RPRD1A: variants seen among roughly 807,000 people sequenced by gnomAD.
The protein encoded by RPRD1A is regulation of nuclear pre-mRNA domain-containing protein 1A.
RPRD1A carries 9 observed loss-of-function variants against 37.8 expected under a neutral mutation model. The ratio of observed to expected loss-of-function variants is 0.24; its 90% CI spans 0.14 to 0.42. RPRD1A has a LOEUF of 0.42. Among genes scored for constraint, RPRD1A ranks in the 10% least tolerant of loss-of-function variants. The probability of loss-of-function intolerance (pLI) is 1.00; values close to 1 mark genes in which losing one functional copy is unlikely to be tolerated. For synonymous variants in RPRD1A, 138 were observed against 139.7 expected (o/e 0.99, Z 0.08); for missense variants, 255 against 371.0 (o/e 0.69, Z 2.57).
chr18:36,052,277 C>A (rs1913452916), intron 1 of RPRD1A, among the ~76,000 whole-genome samples: 1 of 151,126 alleles, frequency 6.6e-6, no homozygotes, highest in Non-Finnish European at 1.5e-5. Flanking sequence ...TACTAGTAAA[C>A]CTGACCTACA....
Position 36,067,506 on chromosome 18 carries a change from A to C in RPRD1A, c.-102T>G. On this transcript the variant is annotated 5_prime_UTR_variant, in exon 1 of 7. Transcript: ENST00000399022. ...TCGCCCCCTCACCCCACCCTTCCCC[A>C]CGCTCTCACCACGGCCGCCGCTTCA... The C allele has an allele frequency of 8.1e-7, 1 of 1,235,468 alleles. No individual in the cohort carries two copies. The highest frequency in any genetic ancestry group is 2.8e-5 in the East Asian group (1 of 35,600). 76.5% of individuals were successfully genotyped at this position (1,235,468 alleles called of 1,614,324 possible).
intron 1 of RPRD1A, chr18:36,053,069 A>C (rs978105600): frequency 2.6e-5 from 4 of 152,198 alleles, no homozygotes; most frequent in African/African-American, 9.6e-5. Context: ...AGGAGTTGTC[A>C]TGAGAGTCTG....
chr18:36,033,415 T>G (rs1911956392), intron 2 of RPRD1A, among the ~76,000 whole-genome samples: 1 of 152,048 alleles, frequency 6.6e-6, no homozygotes. Context: ...AATACCTTCA[T>G]TCATTTTTAA....
chr18:36,016,297 A>C (rs1184508022), intron 6 of RPRD1A, among the ~76,000 whole-genome samples: 1 of 152,146 alleles, frequency 6.6e-6, no homozygotes, highest in Non-Finnish European at 1.5e-5. Context: ...ATCTTGGCTC[A>C]CCGCAACCTC....
chr18:36,019,328 C>T (rs751825993), intron 6 of RPRD1A, among the ~76,000 whole-genome samples: 12 of 151,892 alleles, frequency 7.9e-5, no homozygotes, highest in South Asian at 2.1e-4. Context: ...GGGATGGTCT[C>T]GATCTCCTGA....
At chr18:36,065,009 A>G (rs1363075944) in intron 1 of RPRD1A, among the ~76,000 whole-genome samples, 1 of 152,152 alleles carries the variant, frequency 6.6e-6, no homozygotes, top group Admixed American at 6.5e-5. Flanking sequence ...TTCACTCCTG[A>G]AGCCAGCGAG....
At chr18:36,038,368 T>C (rs1206542991) in intron 1 of RPRD1A, among the ~76,000 whole-genome samples, 2 of 152,244 alleles carry the variant, frequency 1.3e-5, no homozygotes, top group Non-Finnish European at 2.9e-5. Context: ...GCTTGGGCCA[T>C]TGCTTCAGAG....
intron 6 of RPRD1A, chr18:36,025,438 G>A: frequency 3.0e-6 from 1 of 335,900 alleles, no homozygotes; most frequent in Non-Finnish European, 5.7e-6. Flanking sequence ...AGGGGGTTGT[G>A]GGGAGTGGCA....
intron 1 of RPRD1A, among the ~76,000 whole-genome samples, chr18:36,037,319 G>A (rs934628634): frequency 6.6e-6 from 1 of 152,112 alleles, no homozygotes; most frequent in Non-Finnish European, 1.5e-5. Context: ...TCTCATGTTA[G>A]TAAGTGAGTT....
At chr18:36,035,394 T>C (rs150834290) in intron 1 of RPRD1A, among the ~76,000 whole-genome samples, 129 of 152,300 alleles carry the variant, frequency 8.5e-4, no homozygotes, top group Non-Finnish European at 1.4e-3. Context: ...CCTAACAATA[T>C]GTCTCTATTT....
chr18:36,056,851 A>G (rs559995007), intron 1 of RPRD1A, among the ~76,000 whole-genome samples: 4 of 152,182 alleles, frequency 2.6e-5, no homozygotes, highest in African/African-American at 9.6e-5. Context: ...CTAAATAAAT[A>G]ATTCATCATT....
At chr18:36,047,001 G>A (rs928110550) in intron 1 of RPRD1A, among the ~76,000 whole-genome samples, 4 of 151,634 alleles carry the variant, frequency 2.6e-5, no homozygotes, top group African/African-American at 4.9e-5. Flanking sequence ...ATCTTACAAA[G>A]ACTTTAAAGC....
chr18:36,040,806 C>G, intron 1 of RPRD1A: 1 of 1,503,562 alleles, frequency 6.7e-7, no homozygotes, highest in Non-Finnish European at 8.9e-7. Context: ...TATTCACTTA[C>G]AGTAAATTCC....
intron 6 of RPRD1A, among the ~76,000 whole-genome samples, chr18:36,005,472 T>C (rs966139778): frequency 3.9e-5 from 6 of 152,220 alleles, no homozygotes; most frequent in Admixed American, 2.6e-4. Flanking sequence ...CTAATAATTA[T>C]GTATTGGTTT....
At position 36,046,450 on chromosome 18, in the gene RPRD1A, G is replaced by A. The variant is rs1912958935; in HGVS notation, c.152-12613C>T. Among the ~76,000 whole-genome samples the A allele has an allele frequency of 2.0e-5, 3 of 152,106 alleles. No individual in the cohort carries two copies. The South Asian group carries it at 6.2e-4, about 32-fold the overall frequency. On this transcript the variant is annotated intron_variant, in intron 1 of 6. Coordinates refer to ENST00000399022, the MANE Select transcript of RPRD1A (RefSeq NM_018170.5). The stretch of plus-strand genomic sequence containing the variant: ...TCAGTGGAGACCTACTGGAAAGCCA[G>A]AACTTCTACTTGCACACAACAGTAC...
At chr18:36,053,695 C>T (rs1376592088) in intron 1 of RPRD1A, among the ~76,000 whole-genome samples, 1 of 151,968 alleles carries the variant, frequency 6.6e-6, no homozygotes, top group African/African-American at 2.4e-5. Flanking sequence ...AGTGAAATTA[C>T]TGGGTCATAT....
Position 36,062,338 on chromosome 18 carries a change from A to C in RPRD1A, c.151+4916T>G, listed in dbSNP as rs1390553198. The stretch of plus-strand genomic sequence containing the variant: ...GACTCCGTCTCAAAAAAAAAAAAAA[A>C]AAAAAAAAAACATGTACCCACTGTG... On this transcript the variant is annotated intron_variant, in intron 1 of 6. Transcript: ENST00000399022. Among the ~76,000 whole-genome samples the C allele has an allele frequency of 2.0e-5, 3 of 150,428 alleles. No individual in the cohort carries two copies. The East Asian group carries it at 5.8e-4, about 29-fold the overall frequency.
In RPRD1A at chr18:36,062,509, T is replaced by C. The variant is rs140091059; in HGVS notation, c.151+4745A>G. Among the ~76,000 whole-genome samples, 206 of 151,508 alleles carry C rather than the reference T, an allele frequency of 1.4e-3. 2 individuals are homozygous for C. Among genetic ancestry groups the C allele is most frequent in the East Asian group, 0.012 (61 of 5,166 alleles). ...GGAGTGCTCACAGCAGCATTATTTA[T>C]AATAGCCAAAAAGCGGAAACAACTC... is the stretch of plus-strand genomic sequence containing the variant. On this transcript the variant is annotated intron_variant, in intron 1 of 6. Transcript: ENST00000399022.
At chr18:36,011,139 T>C (rs1311005592) in intron 6 of RPRD1A, among the ~76,000 whole-genome samples, 2 of 152,230 alleles carry the variant, frequency 1.3e-5, no homozygotes, top group African/African-American at 4.8e-5. Context: ...ATTTACTGTA[T>C]GTGTGGCAGT....
Sources: gnomAD v4.1 joint callset for allele counts (sites outside exome capture counted in the v4.1 genomes callset) on GRCh38, gnomAD v4.1.1 for gene constraint, MANE v1.5 for transcripts, NCBI Gene and HGNC (gene_info 2026-07-23, HGNC 2026-07-21) for gene names.